The following UGT2B4 variants were observed in gnomAD, a reference collection of about 807,000 sequenced individuals.
UGT2B4 encodes UDP glucuronosyltransferase family 2 member B4.
Under a neutral mutation model 49.8 loss-of-function variants are expected in UGT2B4, and 49 were observed. The ratio of observed to expected loss-of-function variants is 0.98; its 90% CI spans 0.78 to 1.25. The LOEUF (loss-of-function observed/expected upper bound fraction) is 1.25. Among genes scored for constraint, UGT2B4 ranks in the 50% most tolerant of loss-of-function variants. UGT2B4 has a pLI of 0.00. For synonymous variants in UGT2B4, 246 were observed against 217.7 expected (o/e 1.13, Z -1.14); for missense variants, 729 against 627.7 (o/e 1.16, Z -1.73).
chr4:69,489,666 T>C, intron 2 of UGT2B4, 96 bp from the exon 3 acceptor site: 1 of 1,489,730 alleles, frequency 6.7e-7, no homozygotes, highest in Non-Finnish European at 9.0e-7. Context: ...TCAAGTTTTA[T>C]CAGGAATTAT....
intron 1 of UGT2B4, among the ~76,000 whole-genome samples, chr4:69,508,014 A>C (rs528933301): frequency 6.6e-6 from 1 of 152,206 alleles, no homozygotes; most frequent in Admixed American, 6.5e-5. Flanking sequence ...TTTACTAGAA[A>C]AAATTAAAAA....
intron 4 of UGT2B4, 142 bp from the exon 5 acceptor site, chr4:69,485,569 C>T (rs998348897): frequency 3.4e-5 from 40 of 1,167,808 alleles, no homozygotes; most frequent in African/African-American, 6.2e-5. Context: ...GAGGAAGGAA[C>T]GCCTACTTCT....
chr4:69,480,317 A>C lies in UGT2B4; in HGVS notation c.*317T>G, dbSNP rs1463792548. ...CTTGTTTCCATGTACAATGTGTGAC[A>C]TGTAGTTAAGCTTAGTAAATTTTTT... On this transcript the variant is annotated 3_prime_UTR_variant, in exon 6 of 6. Coordinates refer to ENST00000305107, the MANE Select transcript of UGT2B4 (RefSeq NM_021139.3). 2 of 262,904 alleles carry C rather than the reference A, an allele frequency of 7.6e-6. No individual in the cohort carries two copies. Among genetic ancestry groups the C allele is most frequent in the Non-Finnish European group, 1.5e-5 (2 of 136,802 alleles). 16.3% of individuals were successfully genotyped at this position (262,904 alleles called of 1,614,324 possible). A position where few individuals can be genotyped will look rare whatever the true frequency, so the allele number is the denominator to read the frequency against.
At chr4:69,505,800 T>A (rs1016865849) in intron 1 of UGT2B4, among the ~76,000 whole-genome samples, 1 of 152,122 alleles carries the variant, frequency 6.6e-6, no homozygotes, top group Non-Finnish European at 1.5e-5. Flanking sequence ...CTTTAATTGA[T>A]TACATAATCA....
At chr4:69,510,934 C>A (rs1252327054) in intron 1 of UGT2B4, among the ~76,000 whole-genome samples, 2 of 150,992 alleles carry the variant, frequency 1.3e-5, no homozygotes, top group Admixed American at 1.3e-4. Context: ...TTGTTGTTTA[C>A]CATTGAATAT....
At chr4:69,496,945 AG>A (rs1453771466), upstream of UGT2B4, among the ~76,000 whole-genome samples, 1 of 18,154 alleles carries the variant, frequency 5.5e-5, no homozygotes, top group African/African-American at 8.0e-5. Flanking sequence ...GGACAAAGGG[AG>A]GGGAAAAAAA....
chr4:69,504,966 T>G (rs1398634710), intron 1 of UGT2B4, among the ~76,000 whole-genome samples: 1 of 152,054 alleles, frequency 6.6e-6, no homozygotes, highest in Non-Finnish European at 1.5e-5. Context: ...CTGGCCAAAC[T>G]AAGCTTTATA....
chr4:69,523,771 T>C (rs1728899786), intron 1 of UGT2B4, among the ~76,000 whole-genome samples: 2 of 152,136 alleles, frequency 1.3e-5, no homozygotes, highest in South Asian at 2.1e-4. Flanking sequence ...AAGTGACATA[T>C]TTTTTCAATA....
chr4:69,481,350 A>G (rs568229031), intron 5 of UGT2B4, among the ~76,000 whole-genome samples: 2 of 152,300 alleles, frequency 1.3e-5, no homozygotes, highest in South Asian at 4.1e-4. Flanking sequence ...TTCAAAGTAA[A>G]TGTCATAGAA....
At chr4:69,500,897 G>T (rs967653951), upstream of UGT2B4, among the ~76,000 whole-genome samples, 5 of 152,204 alleles carry the variant, frequency 3.3e-5, no homozygotes, top group African/African-American at 1.2e-4. Flanking sequence ...CAGAGCAGCA[G>T]CTCAGGCATG....
intron 2 of UGT2B4, 34 bp downstream of exon 2, chr4:69,493,659 T>G (rs373165378): frequency 1.9e-6 from 3 of 1,586,668 alleles, no homozygotes; most frequent in African/African-American, 1.4e-5. Flanking sequence ...GTACTGAAAC[T>G]TCAAAGCAGA....
rs1052916065 is a variant in UGT2B4, at chr4:69,512,335, T to A, written c.-106+13352A>T. On this transcript the variant is annotated intron_variant, in intron 1 of 1. Transcript: ENST00000510114. ...GCTGCATCCTGTAAATTTTGGTATGTTGTGTTTTTATTTTCACTTATCTCA... is the reference window on the plus strand; with the variant it reads ...GCTGCATCCTGTAAATTTTGGTATGATGTGTTTTTATTTTCACTTATCTCA... Among the ~76,000 whole-genome samples, 3 of 152,114 alleles carry A rather than the reference T, an allele frequency of 2.0e-5. No individual in the cohort carries two copies. In the South Asian group the frequency reaches 6.2e-4, roughly 31 times the overall value.
At chr4:69,512,715 G>GT (rs144380672) in intron 1 of UGT2B4, among the ~76,000 whole-genome samples, 1,908 of 151,768 alleles carry the variant, frequency 0.013, 39 homozygotes, top group African/African-American at 0.042. Context: ...ACCAGCATCT[G>GT]TTTTTTTTTT....
chr4:69,517,452 CAAAT>C (rs2109832094), intron 1 of UGT2B4, among the ~76,000 whole-genome samples: 1 of 152,114 alleles, frequency 6.6e-6, no homozygotes, highest in East Asian at 1.9e-4. Flanking sequence ...AAGAAAGAAT[CAAAT>C]AAAATCTCTG....
At chr4:69,485,015 T>C (rs1331605961) in intron 5 of UGT2B4, among the ~76,000 whole-genome samples, 193 bp downstream of exon 5, 1 of 152,178 alleles carries the variant, frequency 6.6e-6, no homozygotes, top group Non-Finnish European at 1.5e-5. Flanking sequence ...CAATAATTGA[T>C]TATTCATTAA....
intron 2 of UGT2B4, among the ~76,000 whole-genome samples, chr4:69,492,709 A>G (rs552879958): frequency 2.8e-4 from 42 of 152,228 alleles, no homozygotes; most frequent in African/African-American, 9.4e-4. Context: ...ATCACTAACT[A>G]TATGCCAGAG....
At position 69,489,478 on chromosome 4, in the gene UGT2B4, G is replaced by A; in HGVS notation, c.963C>T (p.Ala321=). Residue 321 remains alanine, a synonymous_variant, in exon 3 of 6, where the codon GCC becomes GCT. Coordinates refer to ENST00000305107, the MANE Select transcript of UGT2B4 (RefSeq NM_021139.3). The part of the protein sequence containing the change: ...SMVSNTSEER[A]NVIASALAKI... ...TGGCAAGGGCTGATGCAATTACATT[G>A]GCCCTTTCTTCTGACGTGTTACTGA... 4.3e-6 allele frequency: 7 copies of A among 1,611,404 alleles called. No homozygotes were observed. The highest frequency in any genetic ancestry group is 5.9e-6 in the Non-Finnish European group (7 of 1,178,518).
chr4:69,510,597 G>T (rs1728580100), intron 1 of UGT2B4, among the ~76,000 whole-genome samples: 1 of 151,888 alleles, frequency 6.6e-6, no homozygotes, highest in Non-Finnish European at 1.5e-5. Flanking sequence ...TTCTGTATAG[G>T]ATTCTTTTTC....
upstream of UGT2B4, among the ~76,000 whole-genome samples, chr4:69,500,274 T>C (rs1425804417): frequency 6.6e-6 from 1 of 152,012 alleles, no homozygotes; most frequent in Non-Finnish European, 1.5e-5. Flanking sequence ...TCAGGATAAA[T>C]AGCTAATGCA....
Sources: allele counts gnomAD v4.1 joint callset (sites outside exome capture counted in the v4.1 genomes callset), GRCh38; gene constraint gnomAD v4.1.1; transcripts MANE v1.5; gene names NCBI Gene and HGNC (gene_info 2026-07-23, HGNC 2026-07-21).